PUDP: variants seen among roughly 807,000 people sequenced by gnomAD.
The protein encoded by PUDP is pseudouridine-5'-phosphatase.
Under a neutral mutation model 9.4 loss-of-function variants are expected in PUDP, and 8 were observed. The observed-to-expected ratio is 0.85, with a 90% CI of 0.50 to 1.53. PUDP has a LOEUF of 1.53. PUDP is among the 40% of genes most tolerant of loss of function. PUDP has a pLI of 0.00. For missense variants in PUDP, 188 were observed against 189.7 expected (o/e 0.99, Z 0.05); for synonymous variants, 99 against 80.7 (o/e 1.23, Z -1.22).
chrX:6,933,407 G>C (rs1432036906), intron 3 of PUDP, among the ~76,000 whole-genome samples: 8 of 111,576 alleles, frequency 7.2e-5, no homozygotes, highest in Non-Finnish European at 7.5e-5. Context: ...AACTCCAACA[G>C]ACCTGCAGCT....
At chrX:7,039,356 G>A (rs1452049489) in intron 1 of PUDP, among the ~76,000 whole-genome samples, 1 of 112,298 alleles carries the variant, frequency 8.9e-6, no homozygotes, top group African/African-American at 3.2e-5. Flanking sequence ...TAACAGAAAT[G>A]TTACAGACTG....
intron 3 of PUDP, among the ~76,000 whole-genome samples, chrX:7,053,391 C>T (rs1930154668): frequency 9.0e-6 from 1 of 111,551 alleles, no homozygotes; most frequent in Non-Finnish European, 1.9e-5. Context: ...ACTCAAATCT[C>T]ATCTTGAAAT....
intron 3 of PUDP, among the ~76,000 whole-genome samples, chrX:6,760,537 A>G: frequency 8.9e-6 from 1 of 112,068 alleles, no homozygotes; most frequent in South Asian, 3.8e-4. Context: ...GTAGTTTTAC[A>G]TTCAAGCAAT....
intron 3 of PUDP, among the ~76,000 whole-genome samples, chrX:6,879,608 G>A (rs1403683941): frequency 8.9e-6 from 1 of 111,877 alleles, no homozygotes; most frequent in Non-Finnish European, 1.9e-5. Context: ...CAGGTTCACT[G>A]TGCACTGATG....
At chrX:6,899,709 TGAA>T (rs199974182) in intron 3 of PUDP, among the ~76,000 whole-genome samples, 3 of 105,549 alleles carry the variant, frequency 2.8e-5, no homozygotes, top group African/African-American at 1.0e-4. Context: ...ATGATGATGA[TGAA>T]GATGAACTGT....
chrX:6,837,708 C>A (rs942772420), intron 3 of PUDP, among the ~76,000 whole-genome samples: 1 of 111,698 alleles, frequency 9.0e-6, no homozygotes, highest in Admixed American at 9.5e-5. Context: ...TAGAAACACA[C>A]ACATGTTGAA....
intron 3 of PUDP, among the ~76,000 whole-genome samples, chrX:6,775,548 CT>C (rs1341570253): frequency 1.8e-5 from 2 of 109,558 alleles, no homozygotes; most frequent in Non-Finnish European, 3.8e-5. Context: ...TAAAATATGC[CT>C]AGGAGTGTAA....
chrX:6,873,100 C>G (rs963555878), intron 3 of PUDP, among the ~76,000 whole-genome samples: 1 of 111,722 alleles, frequency 9.0e-6, no homozygotes, highest in African/African-American at 3.3e-5. Context: ...CAGGAAGACT[C>G]AAACGGCATA....
At chrX:7,003,070 A>G (rs1296795278) in intron 1 of PUDP, among the ~76,000 whole-genome samples, 1 of 112,076 alleles carries the variant, frequency 8.9e-6, no homozygotes, top group African/African-American at 3.3e-5. Flanking sequence ...ATTGGCTATT[A>G]TGTGGGACTG....
chrX:6,837,115 G>A, intron 3 of PUDP, among the ~76,000 whole-genome samples: 1 of 112,314 alleles, frequency 8.9e-6, no homozygotes, highest in Non-Finnish European at 1.9e-5. Context: ...CATGCATAAG[G>A]GAATATGGAA....
intron 1 of PUDP, among the ~76,000 whole-genome samples, chrX:6,707,327 A>AT (rs1924482071): frequency 9.0e-6 from 1 of 111,482 alleles, no homozygotes; most frequent in African/African-American, 3.3e-5. Flanking sequence ...GTGGAAGACA[A>AT]TTTTTCCATG....
intron 3 of PUDP, among the ~76,000 whole-genome samples, chrX:7,075,819 A>G (rs1051559071): frequency 2.7e-5 from 3 of 111,820 alleles, no homozygotes; most frequent in Non-Finnish European, 5.6e-5. Context: ...ATAACAAAGC[A>G]GCAAGTGTAT....
chrX:6,714,065 T>C (rs924555008), intron 1 of PUDP, among the ~76,000 whole-genome samples: 2 of 110,716 alleles, frequency 1.8e-5, no homozygotes, highest in Admixed American at 9.7e-5. Flanking sequence ...CTAATTTTTG[T>C]ATTTTTTGAA....
rs954680784 is a variant in PUDP at position 6,847,982 on chromosome X, T to C, written c.*247+129151A>G. Among the ~76,000 whole-genome samples the C allele has an allele frequency of 3.6e-5, 4 of 112,284 alleles. No homozygotes were observed. The South Asian group carries it at 1.1e-3, about 31-fold the overall frequency. On this transcript the variant is annotated intron_variant and NMD_transcript_variant, in intron 3 of 3. Transcript: ENST00000655425. ...ACAAGACTAAGTCCAGGATCAGGAATAAGAGAAACTGCAACATAGCTGAGT... is the reference window on the plus strand; with the variant it reads ...ACAAGACTAAGTCCAGGATCAGGAACAAGAGAAACTGCAACATAGCTGAGT...
chrX:7,119,313 G>A lies in PUDP; in HGVS notation c.62-13475C>T, dbSNP rs1336420612. On this transcript the variant is annotated intron_variant, in intron 1 of 3. Transcript: ENST00000381077. ...CGCGCTTTTCCCTACAACCACTAAC[G>A]TATTTTGTGCTTTATATATACAGGA... 2.7e-5 allele frequency among the ~76,000 whole-genome samples: 3 copies of A among 112,568 alleles called. No homozygotes were observed. In the East Asian group the frequency reaches 8.4e-4, roughly 31 times the overall value.
rs747481639 is a variant in PUDP at position 6,876,950 on chromosome X, TACAC to T, written c.*247+100179_*247+100182del. Among the ~76,000 whole-genome samples the T allele has an allele frequency of 8.1e-3, 747 of 92,542 alleles. 1 individual carries two copies. The highest frequency in any genetic ancestry group is 0.016 in the African/African-American group (426 of 26,594). 80.4% of individuals were successfully genotyped at this position (92,542 alleles called of 115,157 possible). ...ACACATATATACATTCATATATGTG[TACAC>T]ACACACACACACACACACACACATA... On this transcript the variant is annotated intron_variant and NMD_transcript_variant, in intron 3 of 3. Coordinates refer to the PUDP transcript ENST00000655425.
intron 1 of PUDP, among the ~76,000 whole-genome samples, chrX:6,720,136 G>T (rs187585436): frequency 9.9e-6 from 1 of 101,077 alleles, no homozygotes; most frequent in African/African-American, 3.7e-5. Flanking sequence ...ATATATATAC[G>T]TGTGTATATA....
intron 3 of PUDP, among the ~76,000 whole-genome samples, chrX:6,932,175 C>T (rs1338368220): frequency 9.0e-6 from 1 of 111,146 alleles, no homozygotes; most frequent in African/African-American, 3.3e-5. Context: ...TGCTTTTTAA[C>T]ACAGTTAAAA....
intron 1 of PUDP, among the ~76,000 whole-genome samples, chrX:6,716,121 TAA>T (rs375682882): frequency 1.5e-4 from 14 of 95,233 alleles, no homozygotes; most frequent in Non-Finnish European, 4.3e-5. Flanking sequence ...ATATGTTAGC[TAA>T]AAAAAAAAAA....
Sources: allele counts gnomAD v4.1 joint callset (sites outside exome capture counted in the v4.1 genomes callset), GRCh38; gene constraint gnomAD v4.1.1; transcripts MANE v1.5; gene names NCBI Gene and HGNC (gene_info 2026-07-23, HGNC 2026-07-21).